Variants in ATL1 observed in about 807,000 individuals in gnomAD.
ATL1 encodes the protein atlastin-1.
In ATL1, 31 loss-of-function variants were observed where a neutral mutation model predicts 75.5. The observed-to-expected ratio is 0.41, with a 90% confidence interval of 0.31 to 0.55. The LOEUF is 0.55. Ranked by LOEUF, ATL1 falls within the 20% of genes least tolerant of loss-of-function variation. The pLI, the probability that ATL1 is intolerant of heterozygous loss-of-function variation, is 0.27. For missense variants in ATL1, 405 were observed against 662.6 expected (o/e 0.61, Z 4.27); for synonymous variants, 226 against 233.3 (o/e 0.97, Z 0.28).
At chr14:50,621,815 G>T in intron 9 of ATL1, 28 bp from the exon 10 acceptor site, 1 of 1,426,764 alleles carries the variant, frequency 7.0e-7, no homozygotes, top group South Asian at 1.2e-5. Context: ...GGAATTGCTT[G>T]AACATGAATC....
intron 1 of ATL1, among the ~76,000 whole-genome samples, chr14:50,564,647 C>CAAAAAAAAAAAAAAAAAAAAAAAAAAAAA (rs60054322): frequency 2.5e-5 from 1 of 40,004 alleles, no homozygotes; most frequent in Non-Finnish European, 4.1e-5. Flanking sequence ...GATTCCGTCT[C>CAAAAAAAAAAAAAAAAAAAAAAAAAAAAA]AAAAAAAAAA....
chr14:50,625,954 T>A (rs1024615651), intron 11 of ATL1, among the ~76,000 whole-genome samples: 1 of 151,854 alleles, frequency 6.6e-6, no homozygotes, highest in Non-Finnish European at 1.5e-5. Flanking sequence ...TTGTGCGCTA[T>A]TAATGGAAGA....
rs776318211 is a variant in ATL1, at chr14:50,613,318, T to C, written c.690T>C (p.Asp230=). ...SFPYEFSYGA[D]GGAKFLEKRL... ...CATACGAATTTTCATATGGAGCCGATGGTGGTGCCAAATTCTTGGAAAAAC... is the reference window on the plus strand; with the variant it reads ...CATACGAATTTTCATATGGAGCCGACGGTGGTGCCAAATTCTTGGAAAAAC... The change falls in exon 7 of 14, where the codon GAT becomes GAC. Residue 230 remains aspartate (D), a synonymous_variant. Coordinates refer to ENST00000358385, the MANE Select transcript of ATL1 (RefSeq NM_015915.5). The C allele has an allele frequency of 1.2e-6, 2 of 1,613,356 alleles. No individual in the cohort carries two copies. The highest frequency in any genetic ancestry group is 2.2e-5 in the South Asian group (2 of 91,060).
At chr14:50,574,621 T>C (rs564543053) in intron 1 of ATL1, among the ~76,000 whole-genome samples, 56 of 152,262 alleles carry the variant, frequency 3.7e-4, no homozygotes, top group Admixed American at 3.7e-3. Flanking sequence ...TATTTGTTTT[T>C]CTTAGCGGGA....
intron 1 of ATL1, among the ~76,000 whole-genome samples, chr14:50,538,942 C>G (rs1253616930): frequency 6.6e-6 from 1 of 152,202 alleles, no homozygotes; most frequent in Non-Finnish European, 1.5e-5. Flanking sequence ...ACCTCAGCCT[C>G]CCAAGTAGCT....
chr14:50,627,423 G>A (rs1434590821), intron 11 of ATL1, among the ~76,000 whole-genome samples: 1 of 152,214 alleles, frequency 6.6e-6, no homozygotes, highest in Non-Finnish European at 1.5e-5. Flanking sequence ...TGTAACCAAA[G>A]TGAATGGTAT....
chr14:50,583,845 T>C (rs1280494352), intron 1 of ATL1, among the ~76,000 whole-genome samples: 2 of 152,114 alleles, frequency 1.3e-5, no homozygotes, highest in African/African-American at 4.8e-5. Flanking sequence ...AATTGATGAA[T>C]GGATCAGAAC....
chr14:50,568,408 A>G (rs2038924417), intron 1 of ATL1, among the ~76,000 whole-genome samples: 1 of 147,452 alleles, frequency 6.8e-6, no homozygotes, highest in Non-Finnish European at 1.5e-5. Flanking sequence ...TATTGTCTCT[A>G]AAAAAAAAAC....
At chr14:50,627,068 C>T (rs1409298218) in intron 11 of ATL1, among the ~76,000 whole-genome samples, 4 of 152,196 alleles carry the variant, frequency 2.6e-5, no homozygotes, top group Non-Finnish European at 5.9e-5. Flanking sequence ...GAAAGGAAGT[C>T]TATCAATATG....
At chr14:50,543,757 G>A (rs949541373) in intron 1 of ATL1, among the ~76,000 whole-genome samples, 11 of 152,204 alleles carry the variant, frequency 7.2e-5, no homozygotes, top group Non-Finnish European at 1.5e-4. Flanking sequence ...AGAGGCAGAG[G>A]TAGGAGTGGC....
intron 2 of ATL1, among the ~76,000 whole-genome samples, chr14:50,589,938 T>C (rs1243112601): frequency 2.0e-5 from 3 of 152,236 alleles, no homozygotes; most frequent in African/African-American, 7.2e-5. Flanking sequence ...ACTAATAACT[T>C]ATTCTCTGTA....
chr14:50,561,382 GTAAA>G (rs1397247321), intron 1 of ATL1, among the ~76,000 whole-genome samples: 1 of 152,188 alleles, frequency 6.6e-6, no homozygotes, highest in Non-Finnish European at 1.5e-5. Context: ...GGCTTGGTGG[GTAAA>G]TAAATATTTT....
intron 1 of ATL1, among the ~76,000 whole-genome samples, chr14:50,550,243 G>A (rs1202203633): frequency 1.3e-5 from 2 of 152,234 alleles, no homozygotes; most frequent in Non-Finnish European, 2.9e-5. Flanking sequence ...GGGAAGCCAT[G>A]TGTGGTACTG....
At chr14:50,630,741 T>G (rs968192333) in intron 13 of ATL1, among the ~76,000 whole-genome samples, 1 of 152,210 alleles carries the variant, frequency 6.6e-6, no homozygotes, top group Non-Finnish European at 1.5e-5. Flanking sequence ...TACCATTTAC[T>G]ATTTACAAGT....
At chr14:50,582,589 TG>T (rs1207362591) in intron 1 of ATL1, among the ~76,000 whole-genome samples, 42 of 55,632 alleles carry the variant, frequency 7.5e-4, no homozygotes, top group African/African-American at 5.7e-3. Context: ...TTTGTGTTGT[TG>T]TTTTTTTTTT....
Position 50,608,670 on chromosome 14 carries a change from GAAA to G in ATL1, c.631-4586_631-4584del, listed in dbSNP as rs201649255. Among the ~76,000 whole-genome samples, 1,214 of 152,006 alleles carry G rather than the reference GAAA, an allele frequency of 8.0e-3. 25 individuals are homozygous for G. The highest frequency in any genetic ancestry group is 0.027 in the African/African-American group (1,134 of 41,472). On this transcript the variant is annotated intron_variant, in intron 6 of 13. Transcript: ENST00000358385. Reference sequence around the variant, plus strand: ...ATTTTGAATTGGGAAGATGGCCAGTGAAAAAGACCAAGAAATGAGACTAAAGCT... The same window carrying G: ...ATTTTGAATTGGGAAGATGGCCAGTGAAGACCAAGAAATGAGACTAAAGCT...
Position 50,620,817 on chromosome 14 carries a change from A to G in ATL1, c.990+91A>G, listed in dbSNP as rs543534349. Reference sequence around the variant, plus strand: ...AAACAAAAATTATAGACCCGATAATATGGGAGCAAAGGTACGAGGAATCTA... The same window carrying G: ...AAACAAAAATTATAGACCCGATAATGTGGGAGCAAAGGTACGAGGAATCTA... On this transcript the variant is annotated intron_variant, in intron 9 of 13. Transcript: ENST00000358385. 1.6e-4 allele frequency: 236 copies of G among 1,442,526 alleles called. 1 individual carries two copies. In the African/African-American group the frequency reaches 2.7e-3, roughly 17 times the overall value. 89.4% of individuals were successfully genotyped at this position (1,442,526 alleles called of 1,614,324 possible).
chr14:50,624,536 G>A (rs947859631), intron 11 of ATL1, among the ~76,000 whole-genome samples: 2 of 151,922 alleles, frequency 1.3e-5, no homozygotes, highest in Admixed American at 6.6e-5. Context: ...CCTCTCTGCA[G>A]TCCTTTCTTT....
At chr14:50,555,774 C>G (rs370287835), upstream of ATL1, among the ~76,000 whole-genome samples, 2 of 152,210 alleles carry the variant, frequency 1.3e-5, no homozygotes, top group Non-Finnish European at 2.9e-5. Context: ...ACCAGTCTAT[C>G]TTTAAACAAA....
Sources: allele counts gnomAD v4.1 joint callset (sites outside exome capture counted in the v4.1 genomes callset), GRCh38; gene constraint gnomAD v4.1.1; transcripts MANE v1.5; gene names NCBI Gene and HGNC (gene_info 2026-07-23, HGNC 2026-07-21).